The following JADE1 variants were observed in gnomAD, a reference collection of about 807,000 sequenced individuals.
JADE1 encodes the protein jade family PHD finger 1.
In JADE1, 14 loss-of-function variants were observed where a neutral mutation model predicts 81.8. The observed-to-expected ratio is 0.17, with a 90% CI of 0.11 to 0.27. The LOEUF is 0.27. JADE1 is among the 10% of genes least tolerant of loss of function. JADE1 has a pLI of 1.00. For missense variants in JADE1, 690 were observed against 1,047.9 expected (o/e 0.66, Z 4.71); for synonymous variants, 353 against 391.9 (o/e 0.90, Z 1.17).
At position 128,857,952 on chromosome 4, in the gene JADE1, A is replaced by T. The variant is rs571434024; in HGVS notation, c.981+498A>T. 1.7e-4 allele frequency among the ~76,000 whole-genome samples: 26 copies of T among 152,238 alleles called. No individual in the cohort carries two copies. In the South Asian group the frequency reaches 2.1e-3, roughly 12 times the overall value. ...AGTAATCAAGGGGACATGCTAATGC[A>T]TTTGCAGTTGGAAAAACAGAGACTC... On this transcript the variant is annotated intron_variant, in intron 8 of 10. Transcript: ENST00000226319.
intron 2 of JADE1, among the ~76,000 whole-genome samples, chr4:128,836,515 T>A: frequency 6.6e-6 from 1 of 152,076 alleles, no homozygotes; most frequent in East Asian, 1.9e-4. Flanking sequence ...GGCGTGGGTC[T>A]TGCTGTCTTA....
chr4:128,831,867 A>T (rs896315868), intron 2 of JADE1, 57 bp downstream of exon 2: 1 of 1,472,314 alleles, frequency 6.8e-7, no homozygotes. Context: ...GGGTAAAAAC[A>T]TGATTTTTTA....
chr4:128,830,796 A>G (rs1728486463), intron 1 of JADE1, among the ~76,000 whole-genome samples: 1 of 152,308 alleles, frequency 6.6e-6, no homozygotes, highest in African/African-American at 2.4e-5. Flanking sequence ...TATAACCGCG[A>G]GACCATCTGT....
chr4:128,867,681 T>C (rs1194060138), intron 9 of JADE1, among the ~76,000 whole-genome samples, 175 bp from the exon 10 acceptor site: 2 of 152,210 alleles, frequency 1.3e-5, no homozygotes, highest in Non-Finnish European at 2.9e-5. Flanking sequence ...GGAATCCTTC[T>C]TATCTGCCCA....
chr4:128,859,982 A>G (rs1409308312), intron 8 of JADE1, among the ~76,000 whole-genome samples: 1 of 152,226 alleles, frequency 6.6e-6, no homozygotes, highest in Non-Finnish European at 1.5e-5. Flanking sequence ...CTGAATGGGA[A>G]AACCCAGAGG....
At chr4:128,829,022 G>T (rs907155370) in intron 1 of JADE1, among the ~76,000 whole-genome samples, 8 of 152,120 alleles carry the variant, frequency 5.3e-5, no homozygotes, top group Admixed American at 4.6e-4. Flanking sequence ...GTGGTCTTCT[G>T]CCTTTCCCTT....
At chr4:128,827,855 T>C in intron 1 of JADE1, 1 of 984,888 alleles carries the variant, frequency 1.0e-6, no homozygotes, top group Non-Finnish European at 1.2e-6. Flanking sequence ...AAGGTGAGAA[T>C]GGATGTGTAT....
chr4:128,815,419 CAG>C (rs1175984421), intron 1 of JADE1, among the ~76,000 whole-genome samples: 1 of 152,154 alleles, frequency 6.6e-6, no homozygotes, highest in Non-Finnish European at 1.5e-5. Flanking sequence ...AACTTTTTGA[CAG>C]AATATCTGAC....
At chr4:128,865,502 G>C (rs1480174343) in intron 9 of JADE1, among the ~76,000 whole-genome samples, 4 of 151,704 alleles carry the variant, frequency 2.6e-5, no homozygotes, top group African/African-American at 7.3e-5. Flanking sequence ...TGGAACGGGT[G>C]CAGGAAGAAG....
intron 6 of JADE1, among the ~76,000 whole-genome samples, chr4:128,853,948 G>A (rs867066134): frequency 2.6e-5 from 4 of 152,168 alleles, no homozygotes; most frequent in Admixed American, 6.5e-5. Context: ...GTCTCCTTAC[G>A]GTAGTGAGAA....
At chr4:128,838,437 T>C (rs1410199486) in intron 2 of JADE1, among the ~76,000 whole-genome samples, 1 of 152,236 alleles carries the variant, frequency 6.6e-6, no homozygotes, top group African/African-American at 2.4e-5. Flanking sequence ...CTAACTCCTT[T>C]CCTGAAAGCG....
rs1729910232 is a variant in JADE1 at position 128,846,828 on chromosome 4, T to A, written c.296+296T>A. Among the ~76,000 whole-genome samples the A allele has an allele frequency of 6.6e-6, 1 of 152,154 alleles. No individual in the cohort carries two copies. The highest frequency in any genetic ancestry group is 1.5e-5 in the Non-Finnish European group (1 of 68,020). Reference sequence around the variant, plus strand: ...CAAGACATCCTGGGAAGTGATGGGCTAGGGGAGGAAAATTTGGGTGTTCAC... The same window carrying A: ...CAAGACATCCTGGGAAGTGATGGGCAAGGGGAGGAAAATTTGGGTGTTCAC... On this transcript the variant is annotated intron_variant, in intron 4 of 10. Transcript: ENST00000226319. This position sits in a 1 kb window ranked among gnomAD's most constrained non-coding sequence, Gnocchi z 4.0.
chr4:128,836,211 C>T (rs2125836104), intron 2 of JADE1, among the ~76,000 whole-genome samples: 1 of 152,226 alleles, frequency 6.6e-6, no homozygotes, highest in South Asian at 2.1e-4. Flanking sequence ...CCCTACCCTG[C>T]AAATCAAAAT....
chr4:128,832,526 C>T (rs189670779), intron 2 of JADE1, among the ~76,000 whole-genome samples: 1 of 152,302 alleles, frequency 6.6e-6, no homozygotes, highest in Admixed American at 6.5e-5. Context: ...CAAATTAAAC[C>T]CAGGACACCT....
At chr4:128,857,085 G>A (rs1730859474) in intron 7 of JADE1, among the ~76,000 whole-genome samples, 1 of 152,202 alleles carries the variant, frequency 6.6e-6, no homozygotes, top group Non-Finnish European at 1.5e-5. Context: ...ACGCTCCGGT[G>A]AGAAGTGAAA....
At chr4:128,834,104 A>T (rs2125831923) in intron 2 of JADE1, among the ~76,000 whole-genome samples, 1 of 152,286 alleles carries the variant, frequency 6.6e-6, no homozygotes, top group East Asian at 1.9e-4. Context: ...AGTCCCTTTC[A>T]GTTGTCCAGA....
intron 5 of JADE1, among the ~76,000 whole-genome samples, chr4:128,851,836 A>T (rs1194580898): frequency 1.3e-5 from 2 of 151,994 alleles, no homozygotes; most frequent in Admixed American, 6.6e-5. Context: ...GCTAATTTTC[A>T]TATTTTTTGT....
intron 2 of JADE1, among the ~76,000 whole-genome samples, chr4:128,842,306 C>CT (rs1553946691): frequency 0.029 from 4,127 of 144,600 alleles, 96 homozygotes; most frequent in Non-Finnish European, 0.044. Context: ...TTCTTTCTTT[C>CT]TTTTTTTTTT....
chr4:128,842,368 C>T (rs1178923704), intron 2 of JADE1, among the ~76,000 whole-genome samples: 5 of 151,336 alleles, frequency 3.3e-5, no homozygotes, highest in African/African-American at 1.2e-4. Context: ...GACGCAGTCT[C>T]GGCTCACTTC....
Sources: gnomAD v4.1 joint callset for allele counts (sites outside exome capture counted in the v4.1 genomes callset) on GRCh38, gnomAD v4.1.1 for gene constraint, Gnocchi (gnomAD v3.1) non-coding constraint, MANE v1.5 for transcripts, NCBI Gene and HGNC (gene_info 2026-07-23, HGNC 2026-07-21) for gene names.